The following PCDH15 variants were observed in gnomAD, a reference collection of about 807,000 sequenced individuals.
PCDH15 encodes the protein protocadherin-15.
In PCDH15, 129 loss-of-function variants were observed where a neutral mutation model predicts 178.5. That is an observed-to-expected ratio of 0.72 (90% CI 0.63 to 0.84). The LOEUF is 0.84. Among genes scored for constraint, PCDH15 ranks in the 40% least tolerant of loss-of-function variants. The pLI is 0.00. For missense variants in PCDH15, 2,230 were observed against 2,099.9 expected (o/e 1.06, Z -1.21); for synonymous variants, 800 against 732.0 (o/e 1.09, Z -1.50).
chr10:54,360,886 T>C (rs1219963654), intron 5 of PCDH15, among the ~76,000 whole-genome samples: 2 of 151,954 alleles, frequency 1.3e-5, no homozygotes, highest in Non-Finnish European at 2.9e-5. Flanking sequence ...AAAGTGCCCA[T>C]CTGTGAATAG....
chr10:55,578,898 T>C (rs1589151609), intron 2 of PCDH15, among the ~76,000 whole-genome samples: 1 of 152,256 alleles, frequency 6.6e-6, no homozygotes, highest in South Asian at 2.1e-4. Flanking sequence ...CCCCCTATGA[T>C]TCAATTACCT....
intron 17 of PCDH15, among the ~76,000 whole-genome samples, chr10:54,071,088 ATAAT>A (rs1239415087): frequency 2.6e-5 from 4 of 152,190 alleles, no homozygotes; most frequent in African/African-American, 9.6e-5. Flanking sequence ...ACATGGCAAA[ATAAT>A]TAACTAATTT....
At chr10:55,204,297 T>A (rs1181402994) in intron 1 of PCDH15, among the ~76,000 whole-genome samples, 7 of 150,596 alleles carry the variant, frequency 4.6e-5, no homozygotes, top group Non-Finnish European at 8.9e-5. Flanking sequence ...ATTTTATGTA[T>A]ATATACACAT....
In PCDH15 at chr10:54,893,466, A is replaced by T. The variant is rs559408775; in HGVS notation, c.-29+3984T>A. On this transcript the variant is annotated intron_variant, in intron 3 of 5. Transcript: ENST00000458638. ...GAGGTAAGTCCTCACCCCAACTATT[A>T]TCTCCATATTCTCACTGATGATTTA... Among the ~76,000 whole-genome samples the T allele has an allele frequency of 2.1e-3, 315 of 152,220 alleles. 1 individual carries two copies. The highest frequency in any genetic ancestry group is 3.4e-3 in the Non-Finnish European group (233 of 68,000).
chr10:54,955,441 C>T (rs1838460703), intron 2 of PCDH15, among the ~76,000 whole-genome samples: 2 of 151,118 alleles, frequency 1.3e-5, no homozygotes, highest in Non-Finnish European at 3.0e-5. Flanking sequence ...CCTACAATTT[C>T]AATATTTTTA....
At chr10:55,361,458 G>A (rs539219401) in intron 2 of PCDH15, among the ~76,000 whole-genome samples, 2 of 151,974 alleles carry the variant, frequency 1.3e-5, no homozygotes, top group South Asian at 2.1e-4. Context: ...TAAGTAAAAC[G>A]ATTAGAAATT....
chr10:55,291,599 A>G (rs1843008432), intron 1 of PCDH15, among the ~76,000 whole-genome samples: 1 of 152,216 alleles, frequency 6.6e-6, no homozygotes, highest in African/African-American at 2.4e-5. Context: ...ACTAAGTTAA[A>G]GAAAAGACAA....
intron 3 of PCDH15, among the ~76,000 whole-genome samples, chr10:54,508,949 G>A (rs757595988): frequency 1.4e-4 from 21 of 152,134 alleles, no homozygotes; most frequent in Admixed American, 3.3e-4. Flanking sequence ...TACATTTCAC[G>A]TATACACACA....
intron 3 of PCDH15, among the ~76,000 whole-genome samples, chr10:54,471,975 A>C (rs1252323771): frequency 6.6e-6 from 1 of 152,136 alleles, no homozygotes; most frequent in Admixed American, 6.6e-5. Flanking sequence ...ACTCTGATTT[A>C]TGAGAGCACA....
chr10:53,995,466 A>G (rs1397398103), intron 21 of PCDH15, 183 bp downstream of exon 21: 4 of 1,074,224 alleles, frequency 3.7e-6, no homozygotes, highest in East Asian at 5.2e-5. Flanking sequence ...TCTAGGTTCA[A>G]TAATAGTCAT....
intron 3 of PCDH15, among the ~76,000 whole-genome samples, chr10:54,453,870 G>A (rs1237823630): frequency 6.6e-6 from 1 of 151,922 alleles, no homozygotes; most frequent in African/African-American, 2.4e-5. Flanking sequence ...CTCAGAGGAA[G>A]CACCTTCTAA....
At chr10:54,007,348 T>C (rs933603264) in intron 20 of PCDH15, among the ~76,000 whole-genome samples, 1 of 152,136 alleles carries the variant, frequency 6.6e-6, no homozygotes, top group African/African-American at 2.4e-5. Flanking sequence ...TATCTAGAAA[T>C]ATACAAGAAA....
chr10:54,686,407 GA>G (rs2095008763), intron 1 of PCDH15, among the ~76,000 whole-genome samples: 1 of 152,066 alleles, frequency 6.6e-6, no homozygotes, highest in African/African-American at 2.4e-5. Context: ...GAGTTATTGA[GA>G]TTTTTTAGCA....
At chr10:54,922,132 T>G (rs1837510281) in intron 2 of PCDH15, among the ~76,000 whole-genome samples, 1 of 152,100 alleles carries the variant, frequency 6.6e-6, no homozygotes, top group Non-Finnish European at 1.5e-5. Flanking sequence ...TCATTCCACC[T>G]TGGTCCTTCC....
chr10:54,001,855 T>A (rs913030688), intron 20 of PCDH15, among the ~76,000 whole-genome samples: 2 of 151,600 alleles, frequency 1.3e-5, no homozygotes, highest in Admixed American at 1.3e-4. Context: ...AAGACACACA[T>A]AGACTGAAAA....
At chr10:53,862,162 C>T (rs1353723469) in intron 27 of PCDH15, among the ~76,000 whole-genome samples, 4 of 151,998 alleles carry the variant, frequency 2.6e-5, no homozygotes, top group African/African-American at 9.7e-5. Flanking sequence ...AGCAATTCTC[C>T]TGCCTCATTC....
At chr10:53,968,601 C>A (rs992865121) in intron 21 of PCDH15, among the ~76,000 whole-genome samples, 1 of 152,186 alleles carries the variant, frequency 6.6e-6, no homozygotes, top group Non-Finnish European at 1.5e-5. Flanking sequence ...AGACACATCC[C>A]AGTAGAGGCC....
At chr10:54,250,911 T>C (rs577207710) in intron 8 of PCDH15, among the ~76,000 whole-genome samples, 1 of 152,350 alleles carries the variant, frequency 6.6e-6, no homozygotes, top group East Asian at 1.9e-4. Context: ...AAAACCAACA[T>C]GTATACTTTT....
intron 2 of PCDH15, among the ~76,000 whole-genome samples, chr10:55,575,149 T>C (rs904496687): frequency 6.6e-6 from 1 of 152,062 alleles, no homozygotes; most frequent in African/African-American, 2.4e-5. Flanking sequence ...TCTGAATCAG[T>C]TTAGTAATAT....
Sources: allele counts gnomAD v4.1 joint callset (sites outside exome capture counted in the v4.1 genomes callset), GRCh38; gene constraint gnomAD v4.1.1; transcripts MANE v1.5; gene names NCBI Gene and HGNC (gene_info 2026-07-23, HGNC 2026-07-21).